Variants in SAXO4 observed in about 807,000 individuals in gnomAD.
SAXO4 encodes the protein stabilizer of axonemal microtubules 4, also known as protein phosphatase 1 regulatory subunit 32.
the SAXO4 span, chr11:61,486,720 G>A: frequency 8.9e-7 from 1 of 1,120,868 alleles, no homozygotes; most frequent in Non-Finnish European, 1.3e-6. Flanking sequence ...GGATATTTAG[G>A]GATGTGGAGG....
the SAXO4 span, chr11:61,481,841 C>G: frequency 3.2e-6 from 5 of 1,541,368 alleles, no homozygotes; most frequent in South Asian, 2.6e-5. Context: ...GGGGTCGTCT[C>G]CCCTTATGTG....
the SAXO4 span, chr11:61,489,097 C>T: frequency 6.5e-6 from 1 of 153,100 alleles, no homozygotes; most frequent in African/African-American, 2.4e-5. Context: ...AGAGCTTCCG[C>T]CCGCACAGCA....
chr11:61,484,583 T>C, the SAXO4 span: 1 of 1,445,968 alleles, frequency 6.9e-7, no homozygotes, highest in Non-Finnish European at 9.4e-7. Context: ...AAGGACCCCC[T>C]CTGGCTGCTC....
chr11:61,489,896 C>T, the SAXO4 span: 2 of 1,613,912 alleles, frequency 1.2e-6, no homozygotes, highest in Admixed American at 3.3e-5. Context: ...GCATGGAGGC[C>T]ACCCCCAACC....
the SAXO4 span, chr11:61,489,367 C>T: frequency 2.7e-5 from 11 of 405,700 alleles, no homozygotes; most frequent in East Asian, 4.4e-4. Flanking sequence ...TGTCTGCACC[C>T]CCTCTTCATA....
chr11:61,486,612 T>C, the SAXO4 span: 1 of 1,613,580 alleles, frequency 6.2e-7, no homozygotes, highest in Non-Finnish European at 8.5e-7. Context: ...AACCCCAGAG[T>C]GAGTGGCCTT....
the SAXO4 span, chr11:61,487,169 C>G: frequency 6.2e-7 from 1 of 1,614,046 alleles, no homozygotes; most frequent in South Asian, 1.1e-5. Flanking sequence ...TCAGCCTTAA[C>G]AACCCCATGT....
the SAXO4 span, chr11:61,485,552 C>G: frequency 1.3e-6 from 1 of 778,132 alleles, no homozygotes; most frequent in South Asian, 1.8e-5. Context: ...GCGCCTCTCC[C>G]GGGCTGACCT....
chr11:61,482,623 G>A, the SAXO4 span: 21 of 1,613,564 alleles, frequency 1.3e-5, no homozygotes, highest in East Asian at 2.2e-5. Context: ...AGAGGCAGGC[G>A]GCCTGGGGTT....
At chr11:61,482,800 A>G in the SAXO4 span, 4 of 1,608,500 alleles carry the variant, frequency 2.5e-6, no homozygotes, top group South Asian at 4.4e-5. Flanking sequence ...GGGTCCCCCC[A>G]CCAAGGAGGT....
the SAXO4 span, chr11:61,485,280 C>T: frequency 6.6e-7 from 1 of 1,516,914 alleles, no homozygotes; most frequent in Non-Finnish European, 9.1e-7. Flanking sequence ...ACCGCCGCCA[C>T]ACGCCTTCGG....
At chr11:61,490,276 T>C in the SAXO4 span, among the ~76,000 whole-genome samples, 7 of 152,192 alleles carry the variant, frequency 4.6e-5, no homozygotes, top group Non-Finnish European at 8.8e-5. Context: ...ATGAATGGAC[T>C]GTGGTTCGGC....
At chr11:61,486,417 G>C in the SAXO4 span, 2 of 1,614,064 alleles carry the variant, frequency 1.2e-6, no homozygotes, top group South Asian at 2.2e-5. Flanking sequence ...AGCTGAGCTA[G>C]GGGGAGGCTG....
chr11:61,482,378 C>T, the SAXO4 span: 162 of 1,614,042 alleles, frequency 1.0e-4, no homozygotes, highest in Non-Finnish European at 1.3e-4. Context: ...ATTTCCAGCC[C>T]GTGGTCTCAT....
the SAXO4 span, chr11:61,485,259 G>C: frequency 7.8e-7 from 1 of 1,283,344 alleles, no homozygotes; most frequent in Non-Finnish European, 1.1e-6. Flanking sequence ...AGAGAACCGA[G>C]GCGCCACTCC....
chr11:61,489,699 T>C, the SAXO4 span: 2 of 1,457,198 alleles, frequency 1.4e-6, no homozygotes, highest in Non-Finnish European at 1.9e-6. Flanking sequence ...CTGGGCGATC[T>C]GAGGGTCGAT....
chr11:61,481,894 G>T, the SAXO4 span: 2 of 1,576,848 alleles, frequency 1.3e-6, no homozygotes, highest in South Asian at 1.2e-5. Context: ...GAAATTCTAC[G>T]CCACCAGCTA....
chr11:61,484,787 G>C, the SAXO4 span: 1 of 1,607,570 alleles, frequency 6.2e-7, no homozygotes, highest in Non-Finnish European at 8.5e-7. Context: ...GCAGGGCCAG[G>C]ACCCGCTGGA....
the SAXO4 span, chr11:61,485,852 C>G: frequency 1.9e-6 from 3 of 1,613,954 alleles, no homozygotes; most frequent in Non-Finnish European, 2.5e-6. Flanking sequence ...CTTCACCAAA[C>G]AGTCCCACCA....
Sources: allele counts gnomAD v4.1 joint callset (sites outside exome capture counted in the v4.1 genomes callset), GRCh38; gene constraint gnomAD v4.1.1; transcripts MANE v1.5; gene names NCBI Gene and HGNC (gene_info 2026-07-23, HGNC 2026-07-21).